COL25A1: variants seen among roughly 807,000 people sequenced by gnomAD.
The protein encoded by COL25A1 is collagen type XXV alpha 1 chain.
In COL25A1, 103 loss-of-function variants were observed where a neutral mutation model predicts 128.4. That is an observed-to-expected ratio of 0.80 (90% CI 0.68 to 0.94). The LOEUF is 0.94. COL25A1 is among the 40% of genes least tolerant of loss of function. The pLI is 0.00. For missense variants in COL25A1, 745 were observed against 840.0 expected, an observed-to-expected ratio of 0.89 and a Z score of 1.40; for synonymous variants, 279 against 277.2, an observed-to-expected ratio of 1.01 and a Z score of -0.06.
intron 21 of COL25A1, 126 bp downstream of exon 21, chr4:108,863,193 G>A (rs775631675): frequency 2.4e-6 from 2 of 846,352 alleles, no homozygotes; most frequent in Non-Finnish European, 3.9e-6. Context: ...CAGTTGGTGT[G>A]CATTTCAACA....
chr4:108,915,641 G>A (rs1450659453), intron 13 of COL25A1, among the ~76,000 whole-genome samples: 3 of 151,912 alleles, frequency 2.0e-5, no homozygotes, highest in African/African-American at 4.8e-5. Flanking sequence ...TGGTGCCCAA[G>A]CTGGACTCAA....
intron 3 of COL25A1, among the ~76,000 whole-genome samples, chr4:109,156,532 C>T (rs1229391755): frequency 6.6e-6 from 1 of 152,200 alleles, no homozygotes; most frequent in African/African-American, 2.4e-5. Context: ...AATTTGCCAT[C>T]ACTGCTGATT....
intron 6 of COL25A1, among the ~76,000 whole-genome samples, chr4:108,974,991 C>T (rs1405159): frequency 0.13 from 19,839 of 152,116 alleles, 1,986 homozygotes; most frequent in East Asian, 0.4. Flanking sequence ...TCATAGAGTC[C>T]GGCCTCTTTT....
At chr4:109,113,874 A>ATATG (rs1360316495) in intron 3 of COL25A1, among the ~76,000 whole-genome samples, 1 of 152,134 alleles carries the variant, frequency 6.6e-6, no homozygotes, top group Non-Finnish European at 1.5e-5. Flanking sequence ...TATGAAATTA[A>ATATG]CTAAGTAACT....
At chr4:109,034,903 A>G (rs1426998686) in intron 5 of COL25A1, among the ~76,000 whole-genome samples, 1 of 152,198 alleles carries the variant, frequency 6.6e-6, no homozygotes, top group Non-Finnish European at 1.5e-5. Flanking sequence ...GGGAACTGAA[A>G]TCTTATATAA....
chr4:108,912,205 T>C (rs923583291), intron 13 of COL25A1, among the ~76,000 whole-genome samples: 1 of 152,146 alleles, frequency 6.6e-6, no homozygotes, highest in African/African-American at 2.4e-5. Context: ...TTCCCAGGAA[T>C]GGATGAAGTT....
At chr4:109,251,981 A>C (rs1212471039) in intron 3 of COL25A1, among the ~76,000 whole-genome samples, 1 of 152,222 alleles carries the variant, frequency 6.6e-6, no homozygotes, top group African/African-American at 2.4e-5. Context: ...GCAGCTTCAG[A>C]ATGTTGGGGA....
chr4:109,092,679 A>G (rs1462913650), intron 3 of COL25A1, among the ~76,000 whole-genome samples: 1 of 152,204 alleles, frequency 6.6e-6, no homozygotes, highest in African/African-American at 2.4e-5. Flanking sequence ...TCTTACTGTC[A>G]ATTTAGAAAA....
At chr4:108,841,954 A>G (rs1734508988) in intron 30 of COL25A1, among the ~76,000 whole-genome samples, 1 of 152,194 alleles carries the variant, frequency 6.6e-6, no homozygotes, top group African/African-American at 2.4e-5. Context: ...AATACCTTTG[A>G]GGAGGGAGAA....
chr4:109,114,139 T>C (rs1265048804), intron 3 of COL25A1, among the ~76,000 whole-genome samples: 3 of 152,088 alleles, frequency 2.0e-5, no homozygotes, highest in Admixed American at 2.0e-4. Flanking sequence ...TGTGAGTAGT[T>C]CTGTATAAGG....
chr4:109,295,976 G>T (rs1724938188), intron 3 of COL25A1, among the ~76,000 whole-genome samples: 1 of 152,000 alleles, frequency 6.6e-6, no homozygotes. Context: ...TATCACAAAT[G>T]TACAGGAGCC....
intron 31 of COL25A1, among the ~76,000 whole-genome samples, chr4:108,840,105 G>T (rs1734265943): frequency 6.6e-6 from 1 of 152,030 alleles, no homozygotes. Flanking sequence ...AGCCGGGCAT[G>T]GTGGTGGGTG....
intron 19 of COL25A1, among the ~76,000 whole-genome samples, chr4:108,870,171 G>A (rs529102610): frequency 1.5e-4 from 23 of 152,238 alleles, no homozygotes; most frequent in Non-Finnish European, 1.3e-4. Context: ...CGGGAGGATC[G>A]TTTGAGCCCG....
chr4:109,210,138 G>A (rs951453434), intron 3 of COL25A1, among the ~76,000 whole-genome samples: 1 of 150,570 alleles, frequency 6.6e-6, no homozygotes, highest in Admixed American at 6.6e-5. Flanking sequence ...AAACAATTTG[G>A]GAAGGGAAAA....
At chr4:109,077,818 C>G (rs1318610653) in intron 3 of COL25A1, among the ~76,000 whole-genome samples, 4 of 152,192 alleles carry the variant, frequency 2.6e-5, no homozygotes, top group African/African-American at 9.7e-5. Flanking sequence ...TAAAATTTCT[C>G]CACAATGTGA....
intron 8 of COL25A1, among the ~76,000 whole-genome samples, chr4:108,962,066 T>A (rs932681197): frequency 2.6e-5 from 4 of 152,212 alleles, no homozygotes; most frequent in Non-Finnish European, 5.9e-5. Context: ...AATGTTACAG[T>A]TAGTTCCTGC....
At chr4:109,021,030 G>A (rs114042583) in intron 5 of COL25A1, among the ~76,000 whole-genome samples, 2,438 of 152,258 alleles carry the variant, frequency 0.016, 31 homozygotes, top group Middle Eastern at 0.031. Flanking sequence ...ATACTCTCTC[G>A]ATGTTGGGCA....
intron 6 of COL25A1, among the ~76,000 whole-genome samples, chr4:108,984,862 A>G (rs1418176158): frequency 6.6e-6 from 1 of 152,236 alleles, no homozygotes. Context: ...CAGGCAGAGG[A>G]AGCGCCAAGA....
intron 13 of COL25A1, among the ~76,000 whole-genome samples, chr4:108,916,370 T>C (rs1275906580): frequency 6.6e-6 from 1 of 152,164 alleles, no homozygotes; most frequent in Non-Finnish European, 1.5e-5. Flanking sequence ...GACAAGAAAA[T>C]GTCACATTCC....
Sources: gnomAD v4.1 joint callset for allele counts (sites outside exome capture counted in the v4.1 genomes callset) on GRCh38, gnomAD v4.1.1 for gene constraint, MANE v1.5 for transcripts, NCBI Gene and HGNC (gene_info 2026-07-23, HGNC 2026-07-21) for gene names.